MAP6: variants seen among roughly 807,000 people sequenced by gnomAD.
MAP6 encodes the protein microtubule associated protein 6.
Under a neutral mutation model 42.4 loss-of-function variants are expected in MAP6, and 26 were observed. The observed-to-expected ratio is 0.61, with a 90% CI of 0.45 to 0.85. The LOEUF is 0.85. Among genes scored for constraint, MAP6 ranks in the 40% least tolerant of loss-of-function variants. MAP6 has a pLI of 0.00. For synonymous variants in MAP6, 418 were observed against 443.8 expected, an observed-to-expected ratio of 0.94 and a Z score of 0.73; for missense variants, 966 against 1,099.0, an observed-to-expected ratio of 0.88 and a Z score of 1.71.
At chr11:75,614,502 C>A (rs1391975510) in intron 1 of MAP6, among the ~76,000 whole-genome samples, 4 of 152,182 alleles carry the variant, frequency 2.6e-5, no homozygotes, top group Non-Finnish European at 4.4e-5. Flanking sequence ...ATTACTCTCT[C>A]TGGGGCAGCA....
intron 3 of MAP6, among the ~76,000 whole-genome samples, chr11:75,589,391 G>A (rs1942434554): frequency 6.6e-6 from 1 of 152,236 alleles, no homozygotes; most frequent in Admixed American, 6.5e-5. Context: ...GGCCATGTTG[G>A]AAGTCGAGAG....
chr11:75,662,391 C>T lies in MAP6; in HGVS notation c.905+5074G>A, dbSNP rs75673299. ...GTATGTGATTTTGTGGAGAAAATTA[C>T]AAAATATAAGTGAAGAACATAAAAG... On this transcript the variant is annotated intron_variant, in intron 1 of 3. Transcript: ENST00000304771. Among the ~76,000 whole-genome samples the T allele has an allele frequency of 3.0e-4, 46 of 152,186 alleles. No individual in the cohort carries two copies. The East Asian group carries it at 6.8e-3, about 22-fold the overall frequency.
intron 1 of MAP6, among the ~76,000 whole-genome samples, chr11:75,629,174 G>A (rs1364110899): frequency 2.6e-5 from 4 of 151,996 alleles, no homozygotes; most frequent in Admixed American, 1.3e-4. Flanking sequence ...TGCAAATTCC[G>A]CCTCCTGAGT....
intron 3 of MAP6, chr11:75,596,177 G>A (rs1942575793): frequency 6.6e-6 from 1 of 152,252 alleles, no homozygotes; most frequent in Non-Finnish European, 1.5e-5. Flanking sequence ...CAGCCAGGCA[G>A]ACAGAAAGCC....
At chr11:75,664,497 G>C (rs1943912732) in intron 1 of MAP6, among the ~76,000 whole-genome samples, 1 of 152,228 alleles carries the variant, frequency 6.6e-6, no homozygotes, top group Non-Finnish European at 1.5e-5. Flanking sequence ...TTGATGTCAT[G>C]TGGCAGGTGT....
intron 1 of MAP6, among the ~76,000 whole-genome samples, chr11:75,635,086 GAGCATTGGCACCCGGGTATTGTAA>G (rs1943347252): frequency 6.6e-6 from 1 of 152,182 alleles, no homozygotes; most frequent in South Asian, 2.1e-4. Context: ...CATAAAATGG[GAGCATTGGCACCCGGGTATTGTAA>G]AGCAATTAGT....
rs1796523202 is a variant in MAP6, at chr11:75,608,097, GGTCT to G, written c.1119+8_1119+11del. 6.2e-7 allele frequency: 1 copy of G among 1,612,482 alleles called. No individual in the cohort carries two copies. Among genetic ancestry groups the G allele is most frequent in the Non-Finnish European group, 8.5e-7 (1 of 1,179,452 alleles). Reference sequence around the variant, plus strand: ...AGGCTGTGCTGATGGGTTCCCACAAGGTCTGTCTCACCTTTGGGGGTTCCTTGAA... The same window carrying G: ...AGGCTGTGCTGATGGGTTCCCACAAGGTCTCACCTTTGGGGGTTCCTTGAA... On this transcript the variant is annotated splice_region_variant and intron_variant, in intron 2 of 3. Coordinates refer to ENST00000304771, the MANE Select transcript of MAP6 (RefSeq NM_033063.2).
intron 1 of MAP6, among the ~76,000 whole-genome samples, chr11:75,653,201 C>A (rs1322085909): frequency 6.6e-6 from 1 of 152,224 alleles, no homozygotes; most frequent in African/African-American, 2.4e-5. Flanking sequence ...GTTGAACTCT[C>A]TTCTGTGCCA....
intron 1 of MAP6, among the ~76,000 whole-genome samples, chr11:75,615,772 T>C (rs1432348848): frequency 2.6e-5 from 4 of 152,300 alleles, no homozygotes; most frequent in Non-Finnish European, 5.9e-5. Flanking sequence ...TCTCCAATAC[T>C]GAGTACCCAC....
At chr11:75,606,773 C>G (rs1942786263) in intron 2 of MAP6, among the ~76,000 whole-genome samples, 1 of 152,180 alleles carries the variant, frequency 6.6e-6, no homozygotes, top group African/African-American at 2.4e-5. Context: ...TTCCCCAGAG[C>G]AGCAGTTCTA....
chr11:75,655,847 T>A (rs1039407857), intron 1 of MAP6, among the ~76,000 whole-genome samples: 4 of 152,166 alleles, frequency 2.6e-5, no homozygotes, highest in Non-Finnish European at 5.9e-5. Context: ...AGAATTAGAT[T>A]CCTGAGCCAG....
intron 2 of MAP6, among the ~76,000 whole-genome samples, chr11:75,606,426 A>G (rs1219472953): frequency 6.6e-6 from 1 of 152,230 alleles, no homozygotes. Context: ...TTTGAGAGTC[A>G]GCCTGTGCTG....
chr11:75,588,398 A>G (rs1049945687), intron 3 of MAP6, among the ~76,000 whole-genome samples: 3 of 152,016 alleles, frequency 2.0e-5, no homozygotes, highest in African/African-American at 4.8e-5. Context: ...CAGTCATTCA[A>G]TGTGCTTGCC....
chr11:75,650,757 T>A (rs1943633598), intron 1 of MAP6, among the ~76,000 whole-genome samples: 1 of 152,186 alleles, frequency 6.6e-6, no homozygotes, highest in Admixed American at 6.5e-5. Flanking sequence ...TTTACCAAGG[T>A]CACAGAAATA....
chr11:75,656,768 T>G (rs1435286049), intron 1 of MAP6, among the ~76,000 whole-genome samples: 1 of 152,218 alleles, frequency 6.6e-6, no homozygotes. Context: ...AAGCTCTATC[T>G]CCATTTAGTT....
chr11:75,655,300 G>A (rs1358011926), intron 1 of MAP6, among the ~76,000 whole-genome samples: 3 of 152,216 alleles, frequency 2.0e-5, no homozygotes, highest in African/African-American at 7.2e-5. Flanking sequence ...AAGCCCTGAA[G>A]GATAGAAAGG....
intron 1 of MAP6, among the ~76,000 whole-genome samples, chr11:75,665,647 A>T (rs1565284734): frequency 1.3e-5 from 2 of 152,268 alleles, no homozygotes; most frequent in Non-Finnish European, 2.9e-5. Flanking sequence ...AGCAAGCCAT[A>T]GCAGAACTAG....
At chr11:75,644,915 C>A (rs12224315) in intron 1 of MAP6, among the ~76,000 whole-genome samples, 2 of 152,128 alleles carry the variant, frequency 1.3e-5, no homozygotes, top group Non-Finnish European at 1.5e-5. Flanking sequence ...GAAAGAGAAT[C>A]TTCAGATGCA....
chr11:75,637,461 T>C (rs535492604), intron 1 of MAP6, among the ~76,000 whole-genome samples: 2 of 152,308 alleles, frequency 1.3e-5, no homozygotes, highest in South Asian at 4.1e-4. Flanking sequence ...GGGTCTTGAA[T>C]GGGCTAATTT....
Sources: allele counts gnomAD v4.1 joint callset (sites outside exome capture counted in the v4.1 genomes callset), GRCh38; gene constraint gnomAD v4.1.1; transcripts MANE v1.5; gene names NCBI Gene and HGNC (gene_info 2026-07-23, HGNC 2026-07-21).